The following BMAL1 variants were observed in gnomAD, a reference collection of about 807,000 sequenced individuals.
BMAL1 encodes basic helix-loop-helix ARNT like 1.
the BMAL1 span, among the ~76,000 whole-genome samples, chr11:13,340,955 T>C: frequency 6.6e-6 from 1 of 152,312 alleles, no homozygotes; most frequent in East Asian, 1.9e-4. Flanking sequence ...CTCTAGCTCC[T>C]GGAAGTCACC....
At chr11:13,386,591 C>T in the BMAL1 span, 1 of 1,607,888 alleles carries the variant, frequency 6.2e-7, no homozygotes, top group Non-Finnish European at 8.5e-7. Context: ...TATCTCCTCC[C>T]ACAGGTGAGA....
At chr11:13,325,054 C>G in the BMAL1 span, among the ~76,000 whole-genome samples, 2 of 152,178 alleles carry the variant, frequency 1.3e-5, no homozygotes, top group African/African-American at 4.8e-5. Context: ...ACCTGAAGAT[C>G]TTTGAGTGTC....
chr11:13,305,491 AT>A, the BMAL1 span, among the ~76,000 whole-genome samples: 4 of 151,606 alleles, frequency 2.6e-5, no homozygotes, highest in African/African-American at 4.9e-5. Flanking sequence ...AGTCATAGAA[AT>A]TTTTTTTTGT....
At chr11:13,357,421 T>A in the BMAL1 span, among the ~76,000 whole-genome samples, 2 of 152,248 alleles carry the variant, frequency 1.3e-5, no homozygotes, top group Non-Finnish European at 2.9e-5. This position sits in a 1 kb window ranked among gnomAD's most constrained non-coding sequence, Gnocchi z 4.8. Flanking sequence ...GCAGGAGACA[T>A]GGCTCAGTGA....
At chr11:13,350,052 G>GT in the BMAL1 span, 1 of 152,204 alleles carries the variant, frequency 6.6e-6, no homozygotes. Context: ...GATCTGGGGT[G>GT]TAAGAACTGT....
chr11:13,350,230 G>A, the BMAL1 span, among the ~76,000 whole-genome samples: 1 of 152,190 alleles, frequency 6.6e-6, no homozygotes, highest in Non-Finnish European at 1.5e-5. Flanking sequence ...AAGGGAGTGG[G>A]GGATTCTGGA....
the BMAL1 span, among the ~76,000 whole-genome samples, chr11:13,304,202 G>A: frequency 4.6e-5 from 7 of 152,280 alleles, no homozygotes; most frequent in Non-Finnish European, 1.0e-4. Flanking sequence ...GGGAGCAAGG[G>A]GGATGCAGGG....
the BMAL1 span, among the ~76,000 whole-genome samples, chr11:13,305,720 G>T: frequency 1.3e-5 from 2 of 152,146 alleles, no homozygotes; most frequent in Admixed American, 1.3e-4. Context: ...TTAAGTGTAA[G>T]GTCAGCTGTG....
chr11:13,311,381 G>A, the BMAL1 span, among the ~76,000 whole-genome samples: 2 of 152,208 alleles, frequency 1.3e-5, no homozygotes, highest in Non-Finnish European at 2.9e-5. Context: ...GTCCCGGGAA[G>A]GGAAGAGAAT....
the BMAL1 span, chr11:13,378,415 T>G: frequency 6.2e-7 from 1 of 1,613,282 alleles, no homozygotes. Context: ...ATAGGCCGAA[T>G]GATTGCTGAG....
chr11:13,374,035 G>A, the BMAL1 span: 2 of 1,477,392 alleles, frequency 1.4e-6, no homozygotes, highest in Non-Finnish European at 1.9e-6. Context: ...CCATTGCAAA[G>A]TTGCAATTAA....
At chr11:13,305,173 G>T in the BMAL1 span, among the ~76,000 whole-genome samples, 1 of 152,098 alleles carries the variant, frequency 6.6e-6, no homozygotes, top group Non-Finnish European at 1.5e-5. Flanking sequence ...CTTAGAGATG[G>T]CAGGGCGTGA....
At chr11:13,310,018 C>A in the BMAL1 span, 2 of 152,546 alleles carry the variant, frequency 1.3e-5, no homozygotes, top group African/African-American at 2.4e-5. Flanking sequence ...ACGTTTGGAC[C>A]CAAGCTTAAC....
At chr11:13,297,505 C>T in the BMAL1 span, among the ~76,000 whole-genome samples, 23 of 152,334 alleles carry the variant, frequency 1.5e-4, no homozygotes, top group East Asian at 4.2e-3. Context: ...GGCAGTTGCT[C>T]CGGTGCAGGG....
chr11:13,323,686 G>A, the BMAL1 span, among the ~76,000 whole-genome samples: 3 of 152,130 alleles, frequency 2.0e-5, no homozygotes, highest in South Asian at 4.2e-4. Flanking sequence ...GTATCATCTT[G>A]GCTCACTGCA....
chr11:13,309,395 G>A, the BMAL1 span, among the ~76,000 whole-genome samples: 2 of 152,132 alleles, frequency 1.3e-5, no homozygotes, highest in African/African-American at 4.8e-5. Context: ...GATTCTGGGA[G>A]CCTCTGATGG....
chr11:13,362,400 T>C, the BMAL1 span, among the ~76,000 whole-genome samples: 1 of 152,224 alleles, frequency 6.6e-6, no homozygotes, highest in South Asian at 2.1e-4. Context: ...AACCTGTTTG[T>C]TGAATGGCCC....
chr11:13,343,415 T>C, the BMAL1 span, among the ~76,000 whole-genome samples: 2 of 152,230 alleles, frequency 1.3e-5, no homozygotes, highest in African/African-American at 4.8e-5. Context: ...CTCGATCTGC[T>C]TGCCCACTCA....
the BMAL1 span, among the ~76,000 whole-genome samples, chr11:13,352,051 G>A: frequency 6.6e-6 from 1 of 152,130 alleles, no homozygotes; most frequent in Non-Finnish European, 1.5e-5. Flanking sequence ...CTGGGGTGAG[G>A]GTTCTGAAAT....
Sources: gnomAD v4.1 joint callset for allele counts (sites outside exome capture counted in the v4.1 genomes callset) on GRCh38, gnomAD v4.1.1 for gene constraint, Gnocchi (gnomAD v3.1) non-coding constraint, MANE v1.5 for transcripts, NCBI Gene and HGNC (gene_info 2026-07-23, HGNC 2026-07-21) for gene names.